CCDC175: variants seen among roughly 807,000 people sequenced by gnomAD.
CCDC175 encodes the protein coiled-coil domain containing 175, also known as coiled-coil domain-containing protein 175.
Under a neutral mutation model 114.6 loss-of-function variants are expected in CCDC175, and 100 were observed. That is an observed-to-expected ratio of 0.87 (90% CI 0.74 to 1.03). CCDC175 has a LOEUF of 1.03. CCDC175 is among the 50% of genes least tolerant of loss of function. CCDC175 has a pLI of 0.00. For missense variants in CCDC175, 880 were observed against 917.8 expected, an observed-to-expected ratio of 0.96 and a Z score of 0.53; for synonymous variants, 306 against 308.7, an observed-to-expected ratio of 0.99 and a Z score of 0.09.
chr14:59,558,837 T>C (rs1489065176), intron 7 of CCDC175, among the ~76,000 whole-genome samples: 4 of 152,086 alleles, frequency 2.6e-5, no homozygotes, highest in African/African-American at 7.2e-5. Context: ...TGGGAGGGTA[T>C]GAGCAGAGAA....
At chr14:59,537,575 T>C (rs1165140917) in intron 13 of CCDC175, among the ~76,000 whole-genome samples, 1 of 152,162 alleles carries the variant, frequency 6.6e-6, no homozygotes, top group Non-Finnish European at 1.5e-5. Context: ...CTGGCACTTC[T>C]GGGTACTTTC....
intron 9 of CCDC175, among the ~76,000 whole-genome samples, 200 bp downstream of exon 9, chr14:59,544,963 C>T (rs1002114822): frequency 1.3e-5 from 2 of 152,178 alleles, no homozygotes; most frequent in African/African-American, 4.8e-5. Flanking sequence ...ATTTCTGTTG[C>T]TTAAGCAGCC....
rs138122033 is a variant in CCDC175, at chr14:59,550,638, G to A, written c.1035+717C>T. On this transcript the variant is annotated intron_variant, in intron 8 of 19. Transcript: ENST00000537690. ...TCCCACAATAGGCCATCTGCAAGCT[G>A]AGGAGCCAGGAAGCCAGTCCAAGTA... is the stretch of plus-strand genomic sequence containing the variant. 4.0e-3 allele frequency among the ~76,000 whole-genome samples: 604 copies of A among 152,272 alleles called. 2 individuals carry two copies. Among genetic ancestry groups the A allele is most frequent in the African/African-American group, 0.014 (565 of 41,534 alleles).
At chr14:59,508,334 A>T (rs11627904) in intron 19 of CCDC175, among the ~76,000 whole-genome samples, 58,004 of 149,530 alleles carry the variant, frequency 0.39, 11,944 homozygotes, top group African/African-American at 0.52. Flanking sequence ...CTGAGGCAGG[A>T]GGATTGCTTG....
At chr14:59,533,300 C>T (rs1212586900) in intron 13 of CCDC175, among the ~76,000 whole-genome samples, 1 of 152,204 alleles carries the variant, frequency 6.6e-6, no homozygotes, top group African/African-American at 2.4e-5. Flanking sequence ...AGTCAAGATG[C>T]AGCATACAAA....
intron 2 of CCDC175, among the ~76,000 whole-genome samples, chr14:59,573,388 AT>A (rs1201634200): frequency 1.3e-5 from 2 of 152,136 alleles, no homozygotes; most frequent in Non-Finnish European, 2.9e-5. Context: ...TATTTTATGA[AT>A]TATAAAAAGC....
intron 2 of CCDC175, 74 bp from the exon 3 acceptor site, chr14:59,572,887 A>G (rs998894208): frequency 3.6e-6 from 3 of 832,762 alleles, no homozygotes; most frequent in Middle Eastern, 3.2e-4. Context: ...ACAATGCCCT[A>G]CAAATGTTTT....
At chr14:59,526,145 AT>A (rs1323708538) in intron 15 of CCDC175, among the ~76,000 whole-genome samples, 19 of 152,320 alleles carry the variant, frequency 1.2e-4, no homozygotes, top group Admixed American at 1.0e-3. Context: ...TGAATTCTCT[AT>A]TCAGTTCTCT....
At chr14:59,514,115 A>G (rs548931739) in intron 17 of CCDC175, among the ~76,000 whole-genome samples, 17 of 152,232 alleles carry the variant, frequency 1.1e-4, no homozygotes, top group Non-Finnish European at 2.4e-4. Context: ...CCTGACTGTT[A>G]GAAGGAAAAC....
rs1895042707 is a variant in CCDC175, at chr14:59,545,405, C to T, written c.1036-106G>A. On this transcript the variant is annotated intron_variant, in intron 8 of 19. Coordinates refer to ENST00000537690, the MANE Select transcript of CCDC175 (RefSeq NM_001164399.2). ...AGAGCACCTGGGATATTGCTTAGCCCACCGTGAATATGCCATAAATGCCGA... is the reference window on the plus strand; with the variant it reads ...AGAGCACCTGGGATATTGCTTAGCCTACCGTGAATATGCCATAAATGCCGA... 5 of 896,482 alleles carry T rather than the reference C, an allele frequency of 5.6e-6. No homozygotes were observed. In the South Asian group the frequency reaches 9.5e-5, roughly 17 times the overall value. 55.5% of individuals were successfully genotyped at this position (896,482 alleles called of 1,614,324 possible). A position where few individuals can be genotyped will look rare whatever the true frequency, so the allele number is the denominator to read the frequency against.
chr14:59,576,544 C>T, intron 1 of CCDC175, 75 bp downstream of exon 1: 1 of 1,314,672 alleles, frequency 7.6e-7, no homozygotes, highest in Non-Finnish European at 9.8e-7. Flanking sequence ...AGTCCCCGCT[C>T]AGGGTTCCCG....
chr14:59,511,770 G>T lies in CCDC175; in HGVS notation c.2132C>A (p.Thr711Asn). Residue 711 changes from threonine to asparagine, a missense_variant, in exon 18 of 20, where the codon ACC (threonine) becomes AAC (asparagine). Thr to Asn is a moderately conservative substitution (Grantham distance 65, BLOSUM62 0). Transcript: ENST00000537690. ...QYKDLWAEFQ[T>N]TVKILVDNGE... ...ACACGCAAAACTCACCTTAACTGTG[G>T]TCTGAAATTCAGCCCACAAATCCTT... 2.0e-6 allele frequency: 3 copies of T among 1,536,218 alleles called. No individual in the cohort carries two copies. Among genetic ancestry groups the T allele is most frequent in the Non-Finnish European group, 2.6e-6 (3 of 1,146,180 alleles).
At chr14:59,542,131 T>C (rs891686961) in intron 10 of CCDC175, among the ~76,000 whole-genome samples, 5 of 152,178 alleles carry the variant, frequency 3.3e-5, no homozygotes, top group African/African-American at 1.2e-4. Flanking sequence ...GGTGATATCA[T>C]TCTCCCATAC....
chr14:59,560,525 C>A (rs748677462), intron 7 of CCDC175, among the ~76,000 whole-genome samples: 12 of 152,066 alleles, frequency 7.9e-5, no homozygotes, highest in Non-Finnish European at 1.5e-4. Flanking sequence ...CAGGTCAATT[C>A]GGAGGATTTG....
At chr14:59,559,363 C>T (rs536401869) in intron 7 of CCDC175, among the ~76,000 whole-genome samples, 3 of 152,192 alleles carry the variant, frequency 2.0e-5, no homozygotes, top group African/African-American at 7.2e-5. Context: ...TGCCTCCTGT[C>T]GATCTATGGA....
intron 1 of CCDC175, among the ~76,000 whole-genome samples, chr14:59,575,984 G>C (rs1304169556): frequency 1.3e-5 from 2 of 152,154 alleles, no homozygotes; most frequent in Non-Finnish European, 2.9e-5. Context: ...GAAATGTTTT[G>C]TTGTTTGGCC....
chr14:59,507,783 T>C (rs1345444358), intron 19 of CCDC175, among the ~76,000 whole-genome samples: 3 of 152,170 alleles, frequency 2.0e-5, no homozygotes, highest in Non-Finnish European at 1.5e-5. Context: ...ATTTTACAAC[T>C]GGGGAGACTG....
rs188712895 is a variant in CCDC175 at position 59,510,739 on chromosome 14, C to G, written c.2212G>C (p.Asp738His). The change falls in exon 19 of 20, where the codon GAT becomes CAT. Residue 738 changes from aspartate (D) to histidine (H), a missense_variant. Physicochemically the swap from Asp to His is moderately conservative, Grantham distance 81. Coordinates refer to ENST00000537690, the MANE Select transcript of CCDC175 (RefSeq NM_001164399.2). ...NNLTDKLRER[D>H]EKMQHVSTWL... is the part of the protein sequence containing the mutation. The stretch of plus-strand genomic sequence containing the variant: ...GTACTGACATGCTGCATTTTTTCAT[C>G]TCTTTCACGCAGCTTGTCTGTTAGA... The G allele has an allele frequency of 1.0e-4, 160 of 1,537,326 alleles. No individual in the cohort carries two copies. The Admixed American group carries it at 3.0e-3, about 29-fold the overall frequency.
intron 15 of CCDC175, 59 bp from the exon 16 acceptor site, chr14:59,525,493 T>C: frequency 1.7e-6 from 2 of 1,205,690 alleles, no homozygotes; most frequent in African/African-American, 1.6e-5. Context: ...CACGAGGGTA[T>C]TATACTGCCT....
Sources: allele counts gnomAD v4.1 joint callset (sites outside exome capture counted in the v4.1 genomes callset), GRCh38; gene constraint gnomAD v4.1.1; transcripts MANE v1.5; gene names NCBI Gene and HGNC (gene_info 2026-07-23, HGNC 2026-07-21).